The following KAZN variants were observed in gnomAD, a reference collection of about 807,000 sequenced individuals.
KAZN encodes the protein kazrin, periplakin interacting protein, also known as kazrin.
KAZN carries 40 observed loss-of-function variants against 87.4 expected under a neutral mutation model. The observed-to-expected ratio is 0.46, with a 90% confidence interval of 0.36 to 0.60. The LOEUF is 0.60. Ranked by LOEUF, KAZN falls within the 20% of genes least tolerant of loss-of-function variation. The probability of loss-of-function intolerance (pLI) is 0.00; values close to 1 mark genes in which losing one functional copy is unlikely to be tolerated. For missense variants in KAZN, 898 were observed against 1,073.9 expected, an observed-to-expected ratio of 0.84 and a Z score of 2.29; for synonymous variants, 466 against 458.3, an observed-to-expected ratio of 1.02 and a Z score of -0.22.
At position 15,089,824 on chromosome 1, in the gene KAZN, G is replaced by T. The variant is rs1051742123; in HGVS notation, c.1223-4356G>T. Among the ~76,000 whole-genome samples the T allele has an allele frequency of 3.3e-5, 5 of 150,360 alleles. 1 individual carries two copies. Among genetic ancestry groups the T allele is most frequent in the African/African-American group, 1.2e-4 (5 of 41,126 alleles). On this transcript the variant is annotated intron_variant, in intron 8 of 14. Transcript: ENST00000376030. ...TTGGCTGCAGAGGCTCAAAGCTAGA[G>T]TTGGCATCAGTTCATTGGTGGAGAT...
In KAZN at chr1:14,388,074, T is replaced by C. The variant is rs1299960877; in HGVS notation, c.249+207482T>C. On this transcript the variant is annotated intron_variant, in intron 2 of 16. Coordinates refer to the KAZN transcript ENST00000636203. ...AGTATTCGGGTGGGAGTGACCCGATTTTCCAGGTGCCGTCTGTCACCCCTT... is the reference window on the plus strand; with the variant it reads ...AGTATTCGGGTGGGAGTGACCCGATCTTCCAGGTGCCGTCTGTCACCCCTT... Among the ~76,000 whole-genome samples the C allele has an allele frequency of 2.9e-4, 44 of 152,190 alleles. 1 individual carries two copies. The highest frequency in any genetic ancestry group is 2.9e-3 in the Admixed American group (44 of 15,280).
At chr1:15,024,379 G>A (rs1211462498) in intron 2 of KAZN, among the ~76,000 whole-genome samples, 1 of 152,210 alleles carries the variant, frequency 6.6e-6, no homozygotes, top group East Asian at 1.9e-4. Context: ...GAAGGAAATG[G>A]AGACGGTGAT....
rs531384067 is a variant in KAZN at position 14,598,858 on chromosome 1, C to G, written c.-140C>G. The G allele has an allele frequency of 1.5e-5, 22 of 1,426,686 alleles. No homozygotes were observed. In the South Asian group the frequency reaches 2.7e-4, roughly 17 times the overall value. The allele number at this position is 1,426,686 out of a possible 1,614,324, so 88.4% of individuals were successfully genotyped here. Reference sequence around the variant, plus strand: ...CCTGTGCCGGAGGAACCGGCGCTGCCGGTGCCTGGGGGTCGGGGCGCGGGC... The same window carrying G: ...CCTGTGCCGGAGGAACCGGCGCTGCGGGTGCCTGGGGGTCGGGGCGCGGGC... On this transcript the variant is annotated 5_prime_UTR_variant, in exon 1 of 15. Coordinates refer to ENST00000376030, the MANE Select transcript of KAZN (RefSeq NM_201628.3). This position sits in a 1 kb window ranked among gnomAD's most constrained non-coding sequence, Gnocchi z 4.2.
At chr1:15,049,324 C>T (rs1674048585) in intron 4 of KAZN, among the ~76,000 whole-genome samples, 1 of 152,244 alleles carries the variant, frequency 6.6e-6, no homozygotes, top group Admixed American at 6.5e-5. Context: ...GCTTCTCCAG[C>T]ACGGGAAATG....
chr1:14,301,949 G>A (rs72644454), intron 2 of KAZN, among the ~76,000 whole-genome samples: 10,634 of 152,106 alleles, frequency 0.07, 516 homozygotes, highest in Non-Finnish European at 0.11. Flanking sequence ...AATCATTTTA[G>A]TTACTTTTAT....
intron 10 of KAZN, among the ~76,000 whole-genome samples, chr1:15,098,979 A>G (rs146095465): frequency 1.4e-3 from 218 of 152,294 alleles, no homozygotes; most frequent in Non-Finnish European, 2.0e-3. Context: ...ATGAACCACA[A>G]TGTGACTGGT....
intron 2 of KAZN, among the ~76,000 whole-genome samples, chr1:14,196,952 A>G (rs1199013420): frequency 1.3e-5 from 2 of 152,094 alleles, no homozygotes; most frequent in Non-Finnish European, 2.9e-5. Context: ...TAAGAAGCTG[A>G]AAATGATCCT....
At chr1:14,828,616 G>T (rs1247200608) in intron 1 of KAZN, among the ~76,000 whole-genome samples, 1 of 152,094 alleles carries the variant, frequency 6.6e-6, no homozygotes, top group Non-Finnish European at 1.5e-5. Context: ...CCCCAAGAAA[G>T]GAAGAAACTA....
At chr1:14,907,620 CG>C (rs777116859) in intron 1 of KAZN, among the ~76,000 whole-genome samples, 10 of 152,096 alleles carry the variant, frequency 6.6e-5, no homozygotes, top group Admixed American at 1.3e-4. Flanking sequence ...TGACTCTGCC[CG>C]GGCATGTCCT....
chr1:14,235,564 A>G (rs949621902), intron 2 of KAZN, among the ~76,000 whole-genome samples: 8 of 152,214 alleles, frequency 5.3e-5, no homozygotes, highest in East Asian at 3.9e-4. Flanking sequence ...TGAATACACT[A>G]AAAACGTCTG....
intron 1 of KAZN, among the ~76,000 whole-genome samples, chr1:14,102,067 G>A (rs929108754): frequency 1.3e-5 from 2 of 151,864 alleles, no homozygotes; most frequent in Admixed American, 1.3e-4. Flanking sequence ...TGAGGTCTTG[G>A]TATTATCAAG....
chr1:14,495,164 A>G (rs1050293197), intron 2 of KAZN, among the ~76,000 whole-genome samples: 1 of 152,216 alleles, frequency 6.6e-6, no homozygotes, highest in Admixed American at 6.5e-5. Flanking sequence ...GTTAACAATG[A>G]GCTGCTAAAG....
intron 13 of KAZN, among the ~76,000 whole-genome samples, chr1:15,111,560 G>A (rs536182097): frequency 1.2e-4 from 19 of 152,364 alleles, no homozygotes; most frequent in Non-Finnish European, 1.5e-5. Flanking sequence ...TTACAGGCAT[G>A]AGCCACCATG....
chr1:14,437,964 T>A (rs1288960978), intron 2 of KAZN, among the ~76,000 whole-genome samples: 1 of 152,118 alleles, frequency 6.6e-6, no homozygotes, highest in Non-Finnish European at 1.5e-5. Context: ...AGGTGGTAGC[T>A]GTATTGGTGA....
At chr1:15,091,950 G>A (rs1266708504) in intron 8 of KAZN, among the ~76,000 whole-genome samples, 1 of 148,852 alleles carries the variant, frequency 6.7e-6, no homozygotes, top group African/African-American at 2.5e-5. Flanking sequence ...TTGTTTTAAT[G>A]TTGTGTCCTG....
intron 1 of KAZN, among the ~76,000 whole-genome samples, chr1:14,719,167 C>A (rs1642962272): frequency 6.6e-6 from 1 of 152,018 alleles, no homozygotes; most frequent in African/African-American, 2.4e-5. Flanking sequence ...GGGATGATGC[C>A]CAGCATACAA....
rs558077317 is a variant in KAZN, at chr1:14,120,532, G to A, written c.92-59903G>A. Among the ~76,000 whole-genome samples the A allele has an allele frequency of 4.6e-5, 7 of 152,266 alleles. No individual in the cohort carries two copies. In the East Asian group the frequency reaches 1.2e-3, roughly 25 times the overall value. ...GGTTTGGGTTTCATCTTACCTCAAG[G>A]TTAAGTTTAACATCAGTAGATGGTA... On this transcript the variant is annotated intron_variant, in intron 1 of 16. Coordinates refer to the KAZN transcript ENST00000636203.
rs35205129 is a variant in KAZN at position 14,393,842 on chromosome 1, C to CAAAA, written c.250-205124_250-205121dup. 2.2e-4 allele frequency among the ~76,000 whole-genome samples: 19 copies of CAAAA among 87,002 alleles called. No individual in the cohort carries two copies. In the East Asian group the frequency reaches 2.4e-3, roughly 11 times the overall value. The allele number at this position is 87,002 out of a possible 152,430, so 57.1% of individuals were successfully genotyped here. ...TGAGTGACAGAGCCAGACCCAATCT[C>CAAAA]AAAAAAAAAAAAAAAAAAAAGTCAT... On this transcript the variant is annotated intron_variant, in intron 2 of 16. Coordinates refer to the KAZN transcript ENST00000636203.
chr1:14,067,039 A>G (rs963648882), intron 1 of KAZN, among the ~76,000 whole-genome samples: 3 of 151,990 alleles, frequency 2.0e-5, no homozygotes, highest in Non-Finnish European at 4.4e-5. Flanking sequence ...CTGCTGTGTG[A>G]CTATCATATT....
Sources: gnomAD v4.1 joint callset for allele counts (sites outside exome capture counted in the v4.1 genomes callset) on GRCh38, gnomAD v4.1.1 for gene constraint, Gnocchi (gnomAD v3.1) non-coding constraint, MANE v1.5 for transcripts, NCBI Gene and HGNC (gene_info 2026-07-23, HGNC 2026-07-21) for gene names.